PIK3CD: variants seen among roughly 807,000 people sequenced by gnomAD.
PIK3CD encodes phosphatidylinositol-4,5-bisphosphate 3-kinase catalytic subunit delta, also known as phosphatidylinositol 4,5-bisphosphate 3-kinase catalytic subunit delta isoform.
PIK3CD carries 20 observed loss-of-function variants against 122.9 expected under a neutral mutation model. That is an observed-to-expected ratio of 0.16 (90% CI 0.11 to 0.24). The LOEUF is 0.24. Among genes scored for constraint, PIK3CD ranks in the 10% least tolerant of loss-of-function variants. The pLI, the probability that PIK3CD is intolerant of heterozygous loss-of-function variation, is 1.00. For missense variants in PIK3CD, 787 were observed against 1,406.3 expected (o/e 0.56, Z 7.04); for synonymous variants, 596 against 593.4 (o/e 1.00, Z -0.06).
At chr1:9,629,996 G>T in the PIK3CD span, among the ~76,000 whole-genome samples, 1 of 152,276 alleles carries the variant, frequency 6.6e-6, no homozygotes, top group Non-Finnish European at 1.5e-5. Flanking sequence ...ACACCACGAG[G>T]TTGGGAGAGG....
At chr1:9,641,196 A>G in the PIK3CD span, among the ~76,000 whole-genome samples, 1 of 152,164 alleles carries the variant, frequency 6.6e-6, no homozygotes, top group Non-Finnish European at 1.5e-5. Flanking sequence ...GCCCAACTGT[A>G]TCAGGCACAG....
At chr1:9,681,936 A>G (rs1429266632) in intron 1 of PIK3CD, among the ~76,000 whole-genome samples, 1 of 152,070 alleles carries the variant, frequency 6.6e-6, no homozygotes. Flanking sequence ...TCTGGAAGGG[A>G]TTTCAGTCTG....
chr1:9,723,708 G>A lies in PIK3CD; in HGVS notation c.2595-261G>A, dbSNP rs987349108. Among the ~76,000 whole-genome samples the A allele has an allele frequency of 6.6e-6, 1 of 152,128 alleles. No homozygotes were observed. The highest frequency in any genetic ancestry group is 2.4e-5 in the African/African-American group (1 of 41,428). On this transcript the variant is annotated intron_variant, in intron 20 of 23. Transcript: ENST00000377346. This position sits in a 1 kb window ranked among gnomAD's most constrained non-coding sequence, Gnocchi z 4.9. The stretch of plus-strand genomic sequence containing the variant: ...CGCCAGCTGTCTGTGATGCCTCTCT[G>A]CATGTGGTCTCCTCATTTAGCAGCC...
intron 1 of PIK3CD, among the ~76,000 whole-genome samples, chr1:9,679,046 C>T (rs1004878128): frequency 7.4e-5 from 11 of 148,314 alleles, no homozygotes; most frequent in African/African-American, 2.7e-4. Flanking sequence ...ACCTTCTTTC[C>T]GGGTAGTCAG....
Position 9,718,642 on chromosome 1 carries a change from G to T in PIK3CD, c.1021-52G>T. ...GAGACTGACACCTTAAGGGGGAGGG[G>T]AGAGGGGCTGGGCCTCTGCCTCCTC... On this transcript the variant is annotated intron_variant, in intron 8 of 23. Coordinates refer to ENST00000377346, the MANE Select transcript of PIK3CD (RefSeq NM_005026.5). The surrounding 1 kb of genome is among the most constrained non-coding windows in gnomAD (Gnocchi z 7.2). 1 of 1,517,646 alleles carries T rather than the reference G, an allele frequency of 6.6e-7. No individual in the cohort carries two copies. Among genetic ancestry groups the T allele is most frequent in the South Asian group, 1.1e-5 (1 of 89,276 alleles). 94.0% of individuals were successfully genotyped at this position (1,517,646 alleles called of 1,614,324 possible).
Position 9,723,314 on chromosome 1 carries a change from A to C in PIK3CD, c.2594+22A>C. 1 of 1,613,010 alleles carries C rather than the reference A, an allele frequency of 6.2e-7. No homozygotes were observed. Among genetic ancestry groups the C allele is most frequent in the South Asian group, 1.1e-5 (1 of 91,070 alleles). ...CGGGGTGGGTTTCAGGCCCAGGGAT[A>C]GGTTCCCTCTCCTTTCCAAGAGGTG... On this transcript the variant is annotated intron_variant, in intron 20 of 23. Transcript: ENST00000377346. This position sits in a 1 kb window ranked among gnomAD's most constrained non-coding sequence, Gnocchi z 4.9.
intron 1 of PIK3CD, among the ~76,000 whole-genome samples, chr1:9,654,876 A>G (rs1028332550): frequency 6.6e-6 from 1 of 151,834 alleles, no homozygotes; most frequent in Non-Finnish European, 1.5e-5. Flanking sequence ...CTTGGCCAAC[A>G]TGGTGAATAT....
intron 1 of PIK3CD, among the ~76,000 whole-genome samples, chr1:9,666,176 C>T (rs996252237): frequency 1.3e-5 from 2 of 151,296 alleles, no homozygotes; most frequent in Admixed American, 1.3e-4. Flanking sequence ...GATCCACCCA[C>T]CTCAGCCTCC....
chr1:9,661,988 T>A (rs186555804), intron 1 of PIK3CD, among the ~76,000 whole-genome samples: 7 of 151,318 alleles, frequency 4.6e-5, no homozygotes, highest in African/African-American at 1.5e-4. Context: ...AGAGTGAGAC[T>A]CTGTCTCAAA....
intron 2 of PIK3CD, among the ~76,000 whole-genome samples, chr1:9,708,024 G>C (rs868173336): frequency 4.0e-5 from 6 of 151,866 alleles, no homozygotes; most frequent in Non-Finnish European, 8.8e-5. Context: ...TCGATCTCCT[G>C]ACCTCGTGAT....
In PIK3CD at chr1:9,656,942, CAAAA is replaced by C. The variant is rs56008596; in HGVS notation, c.-138+5158_-138+5161del. Among the ~76,000 whole-genome samples the C allele has an allele frequency of 5.3e-3, 610 of 114,986 alleles. 2 individuals carry two copies. The highest frequency in any genetic ancestry group is 0.016 in the African/African-American group (534 of 32,724). 75.4% of individuals were successfully genotyped at this position (114,986 alleles called of 152,430 possible). A position where few individuals can be genotyped will look rare whatever the true frequency, so the allele number is the denominator to read the frequency against. Reference sequence around the variant, plus strand: ...TGGGTGACAGAGCGAGACTCCATCTCAAAAAAAAAAAAAAAAAAAAATGTATTCT... The same window carrying C: ...TGGGTGACAGAGCGAGACTCCATCTCAAAAAAAAAAAAAAAAATGTATTCT... On this transcript the variant is annotated intron_variant, in intron 1 of 23. Transcript: ENST00000377346.
intron 2 of PIK3CD, among the ~76,000 whole-genome samples, chr1:9,693,121 C>T (rs1373214999): frequency 6.6e-6 from 1 of 152,160 alleles, no homozygotes; most frequent in Non-Finnish European, 1.5e-5. Flanking sequence ...CATCTTACCG[C>T]CACCCCACCC....
At position 9,720,696 on chromosome 1, in the gene PIK3CD, G is replaced by A; in HGVS notation, c.1521+35G>A. The A allele has an allele frequency of 6.4e-7, 1 of 1,570,276 alleles. No homozygotes were observed. The highest frequency in any genetic ancestry group is 1.2e-5 in the South Asian group (1 of 86,232). On this transcript the variant is annotated intron_variant, in intron 12 of 23. Transcript: ENST00000377346. This position sits in a 1 kb window ranked among gnomAD's most constrained non-coding sequence, Gnocchi z 9.0. ...GTGGGGGTGTGGGGTGGGGGGCATG[G>A]AGCCGGCGTGGAACCAGAGCCCTCA...
intron 2 of PIK3CD, among the ~76,000 whole-genome samples, chr1:9,695,702 C>T (rs138134350): frequency 0.025 from 3,723 of 151,786 alleles, 145 homozygotes; most frequent in African/African-American, 0.081. Context: ...ATTAGCTGGG[C>T]GTGGTGGCAT....
intron 1 of PIK3CD, among the ~76,000 whole-genome samples, chr1:9,656,155 GGGAGGA>G (rs1341291695): frequency 6.6e-6 from 1 of 152,154 alleles, no homozygotes; most frequent in Non-Finnish European, 1.5e-5. Flanking sequence ...AGTAGGGTGG[GGGAGGA>G]GGAGATGCAG....
chr1:9,722,718 GC>G lies in PIK3CD; in HGVS notation c.2426+113del. ...CATGACCATCTCAGCCGGGGAAAGG[GC>G]TTTCCTAGGAAGACCCGGAGGCGGT... On this transcript the variant is annotated intron_variant, in intron 19 of 23. Transcript: ENST00000377346. The surrounding 1 kb of genome is among the most constrained non-coding windows in gnomAD (Gnocchi z 7.6). The G allele has an allele frequency of 3.2e-6, 3 of 938,534 alleles. No homozygotes were observed. The highest frequency in any genetic ancestry group is 5.1e-6 in the Non-Finnish European group (3 of 585,748). The allele number at this position is 938,534 out of a possible 1,614,324, so 58.1% of individuals were successfully genotyped here. A position where few individuals can be genotyped will look rare whatever the true frequency, so the allele number is the denominator to read the frequency against.
At chr1:9,725,263 A>G (rs372421236) in intron 23 of PIK3CD, among the ~76,000 whole-genome samples, 2 of 152,260 alleles carry the variant, frequency 1.3e-5, no homozygotes, top group Non-Finnish European at 2.9e-5. Flanking sequence ...CTTCTAAAAG[A>G]TATTTTTTGG....
At chr1:9,686,602 C>A (rs962300192) in intron 1 of PIK3CD, among the ~76,000 whole-genome samples, 5 of 152,190 alleles carry the variant, frequency 3.3e-5, no homozygotes, top group African/African-American at 1.2e-4. Flanking sequence ...GATCCTCCTG[C>A]CCTGGCCTCC....
chr1:9,661,583 G>C (rs373963035), intron 1 of PIK3CD, among the ~76,000 whole-genome samples: 1 of 152,138 alleles, frequency 6.6e-6, no homozygotes. Flanking sequence ...AGTAGAGGCC[G>C]GGTGTGGTGG....
Sources: gnomAD v4.1 joint callset for allele counts (sites outside exome capture counted in the v4.1 genomes callset) on GRCh38, gnomAD v4.1.1 for gene constraint, Gnocchi (gnomAD v3.1) non-coding constraint, MANE v1.5 for transcripts, NCBI Gene and HGNC (gene_info 2026-07-23, HGNC 2026-07-21) for gene names.